Variants in RUNX1 observed in about 807,000 individuals in gnomAD.
RUNX1 encodes the protein runt-related transcription factor 1.
In RUNX1, 19 loss-of-function variants were observed where a neutral mutation model predicts 42.8. The observed-to-expected ratio is 0.44, with a 90% confidence interval of 0.31 to 0.65. The LOEUF (loss-of-function observed/expected upper bound fraction) is 0.65, where lower values mean the gene tolerates loss of function less well. Among genes scored for constraint, RUNX1 ranks in the 30% least tolerant of loss-of-function variants. The pLI, the probability that RUNX1 is intolerant of heterozygous loss-of-function variation, is 0.07. For missense variants in RUNX1, 528 were observed against 672.0 expected (o/e 0.79, Z 2.37); for synonymous variants, 271 against 289.4 (o/e 0.94, Z 0.64).
intron 2 of RUNX1, among the ~76,000 whole-genome samples, chr21:34,953,906 A>C (rs2058626669): frequency 6.6e-6 from 1 of 152,256 alleles, no homozygotes; most frequent in African/African-American, 2.4e-5. Context: ...TAAGAAGTGG[A>C]ACAGAAAACT....
intron 2 of RUNX1, among the ~76,000 whole-genome samples, chr21:34,976,290 T>C (rs1403103789): frequency 6.6e-6 from 1 of 152,180 alleles, no homozygotes; most frequent in Non-Finnish European, 1.5e-5. Context: ...CAACTGCCTT[T>C]CCCAAATTGA....
rs182895198 is a variant in RUNX1 at position 34,877,982 on chromosome 21, G to A, written c.508+2575C>T. Among the ~76,000 whole-genome samples the A allele has an allele frequency of 2.4e-4, 36 of 152,274 alleles. 1 individual carries two copies. In the East Asian group the frequency reaches 5.8e-3, roughly 24 times the overall value. On this transcript the variant is annotated intron_variant, in intron 5 of 8. Transcript: ENST00000675419. ...GAGCCAGGGCCTTCTGAGCCATGGCGTGGTGTGTTCATGCCAAGGGTATAT... is the reference window on the plus strand; with the variant it reads ...GAGCCAGGGCCTTCTGAGCCATGGCATGGTGTGTTCATGCCAAGGGTATAT...
intron 2 of RUNX1, among the ~76,000 whole-genome samples, chr21:34,935,958 A>G (rs1030054051): frequency 3.3e-5 from 5 of 152,210 alleles, no homozygotes; most frequent in African/African-American, 1.2e-4. Context: ...ACAACAGTAC[A>G]TCTGCCAATG....
chr21:34,930,619 C>T (rs867548284), intron 2 of RUNX1, among the ~76,000 whole-genome samples: 1 of 151,828 alleles, frequency 6.6e-6, no homozygotes, highest in Non-Finnish European at 1.5e-5. Flanking sequence ...TTCTGTTGCA[C>T]CACTTAGAGT....
At chr21:34,899,628 T>C (rs2058161846) in intron 2 of RUNX1, among the ~76,000 whole-genome samples, 1 of 152,198 alleles carries the variant, frequency 6.6e-6, no homozygotes, top group African/African-American at 2.4e-5. Flanking sequence ...AAGGAGCTGC[T>C]TTACATACAT....
intron 2 of RUNX1, among the ~76,000 whole-genome samples, chr21:34,947,773 G>C (rs1445148011): frequency 6.6e-6 from 1 of 152,204 alleles, no homozygotes; most frequent in African/African-American, 2.4e-5. Context: ...CTTCACAGCT[G>C]TGCTGTCTAC....
chr21:34,946,728 TG>T (rs1470237329), intron 2 of RUNX1, among the ~76,000 whole-genome samples: 2 of 152,206 alleles, frequency 1.3e-5, no homozygotes, highest in African/African-American at 4.8e-5. Flanking sequence ...CAGGGCTGTC[TG>T]GTGACCTACA....
At chr21:34,839,648 G>C (rs1054850258) in intron 6 of RUNX1, among the ~76,000 whole-genome samples, 9 of 152,302 alleles carry the variant, frequency 5.9e-5, no homozygotes, top group African/African-American at 1.9e-4. Flanking sequence ...TCACCTGCTT[G>C]AGTGGGCAAT....
chr21:34,828,980 G>A (rs2057027848), intron 7 of RUNX1, among the ~76,000 whole-genome samples: 1 of 152,174 alleles, frequency 6.6e-6, no homozygotes, highest in Admixed American at 6.5e-5. Context: ...TTAACCATGG[G>A]CTGGCTCTAA....
chr21:35,025,091 G>A (rs547525755), intron 2 of RUNX1, among the ~76,000 whole-genome samples: 2 of 152,312 alleles, frequency 1.3e-5, no homozygotes, highest in East Asian at 1.9e-4. Flanking sequence ...CTGTTAGAAT[G>A]GTGCTCCCTC....
chr21:34,849,313 T>A lies in RUNX1; in HGVS notation c.613+10161A>T, dbSNP rs79023825. Among the ~76,000 whole-genome samples, 3 of 40,686 alleles carry A rather than the reference T, an allele frequency of 7.4e-5. 1 individual carries two copies. Among genetic ancestry groups the A allele is most frequent in the East Asian group, 2.3e-3 (2 of 872 alleles). The allele number at this position is 40,686 out of a possible 152,430, so 26.7% of individuals were successfully genotyped here. A position where few individuals can be genotyped will look rare whatever the true frequency, so the allele number is the denominator to read the frequency against. Reference sequence around the variant, plus strand: ...TATATATAAAATATATAATATATATTATATATATATTATATATACTATATA... The same window carrying A: ...TATATATAAAATATATAATATATATAATATATATATTATATATACTATATA... On this transcript the variant is annotated intron_variant, in intron 6 of 8. Coordinates refer to ENST00000675419, the MANE Select transcript of RUNX1 (RefSeq NM_001754.5).
At chr21:34,793,848 C>T (rs1569004199) in intron 8 of RUNX1, among the ~76,000 whole-genome samples, 4 of 151,886 alleles carry the variant, frequency 2.6e-5, no homozygotes, top group South Asian at 4.2e-4. Flanking sequence ...GGATTACAGG[C>T]GCCCGCCACC....
chr21:34,997,972 C>A (rs1047775584), intron 2 of RUNX1, among the ~76,000 whole-genome samples: 1 of 152,096 alleles, frequency 6.6e-6, no homozygotes, highest in Non-Finnish European at 1.5e-5. Context: ...TTGGGCTGAG[C>A]GTATGGTCAC....
Position 34,991,408 on chromosome 21 carries a change from C to A in RUNX1, c.58+57434G>T, listed in dbSNP as rs149066154. On this transcript the variant is annotated intron_variant, in intron 2 of 8. Transcript: ENST00000675419. ...ATGAGTCTGTTCCCTTCTGTGTCAC[C>A]CCCAGTGGGGCCCTTGATGACATGG... Among the ~76,000 whole-genome samples, 108 of 152,304 alleles carry A rather than the reference C, an allele frequency of 7.1e-4. 2 individuals carry two copies. In the East Asian group the frequency reaches 0.02, roughly 28 times the overall value.
intron 2 of RUNX1, among the ~76,000 whole-genome samples, chr21:34,966,976 G>T (rs2146728911): frequency 6.6e-6 from 1 of 152,168 alleles, no homozygotes; most frequent in South Asian, 2.1e-4. Flanking sequence ...GGTTATTCAT[G>T]CAATTATCCA....
intron 6 of RUNX1, chr21:34,859,224 C>G: frequency 3.7e-6 from 2 of 546,998 alleles, no homozygotes; most frequent in East Asian, 6.3e-5. Flanking sequence ...CTGAATGGTT[C>G]TAACATATGA....
chr21:34,979,411 A>G (rs531263294), intron 2 of RUNX1, among the ~76,000 whole-genome samples: 150 of 152,222 alleles, frequency 9.9e-4, no homozygotes, highest in African/African-American at 3.5e-3. Flanking sequence ...ACAATATTAC[A>G]ATATTTATTA....
At chr21:34,904,823 C>T (rs955110167) in intron 2 of RUNX1, among the ~76,000 whole-genome samples, 5 of 152,116 alleles carry the variant, frequency 3.3e-5, no homozygotes, top group East Asian at 1.9e-4. Flanking sequence ...GTCAACTTCT[C>T]GGTTTAGGAA....
At chr21:34,990,601 C>A (rs1197688682) in intron 2 of RUNX1, among the ~76,000 whole-genome samples, 1 of 152,036 alleles carries the variant, frequency 6.6e-6, no homozygotes, top group Admixed American at 6.6e-5. Flanking sequence ...ACCCATACCA[C>A]TGGGGCTCTT....
Sources: gnomAD v4.1 joint callset for allele counts (sites outside exome capture counted in the v4.1 genomes callset) on GRCh38, gnomAD v4.1.1 for gene constraint, MANE v1.5 for transcripts, NCBI Gene and HGNC (gene_info 2026-07-23, HGNC 2026-07-21) for gene names.